ZNF723: variants seen among roughly 807,000 people sequenced by gnomAD.
ZNF723 encodes the protein zinc finger protein 723.
Under a neutral mutation model 9.4 loss-of-function variants are expected in ZNF723, and 5 were observed. That is an observed-to-expected ratio of 0.53 (90% CI 0.28 to 1.12). The LOEUF is 1.12. Among genes scored for constraint, ZNF723 ranks in the 50% most tolerant of loss-of-function variants. The pLI is 0.10. For synonymous variants in ZNF723, 158 were observed against 168.8 expected (o/e 0.94, Z 0.49); for missense variants, 450 against 501.5 (o/e 0.90, Z 0.98).
chr19:22,854,741 C>T (rs1354369535), intron 3 of ZNF723, among the ~76,000 whole-genome samples: 1 of 152,058 alleles, frequency 6.6e-6, no homozygotes, highest in Non-Finnish European at 1.5e-5. Context: ...AAGTGAACTT[C>T]AGCTGAATAC....
the ZNF723 span, among the ~76,000 whole-genome samples, chr19:22,826,540 A>T: frequency 6.6e-6 from 1 of 152,236 alleles, no homozygotes; most frequent in South Asian, 2.1e-4. Context: ...ATGCACACCC[A>T]GGCAACAGTT....
chr19:22,849,823 C>T (rs1375453494), intron 3 of ZNF723, among the ~76,000 whole-genome samples: 1 of 152,022 alleles, frequency 6.6e-6, no homozygotes, highest in Non-Finnish European at 1.5e-5. Context: ...TCAGGAGAAT[C>T]GCTTGAATTA....
the ZNF723 span, among the ~76,000 whole-genome samples, chr19:22,825,142 C>T: frequency 2.4e-4 from 37 of 152,210 alleles, no homozygotes; most frequent in East Asian, 4.4e-3. Flanking sequence ...AAGAGGCAAT[C>T]GAAAGTTAAA....
At chr19:22,836,067 C>T (rs931249005) in intron 1 of ZNF723, among the ~76,000 whole-genome samples, 2 of 150,238 alleles carry the variant, frequency 1.3e-5, no homozygotes, top group East Asian at 3.9e-4. Context: ...AAATAACTGA[C>T]ATAAAAATTG....
chr19:22,857,331 G>A lies in ZNF723; in HGVS notation c.440G>A (p.Cys147Tyr), dbSNP rs773671412. 7.2e-5 allele frequency: 59 copies of A among 821,434 alleles called. No homozygotes were observed. Among genetic ancestry groups the A allele is most frequent in the Non-Finnish European group, 1.1e-4 (52 of 459,512 alleles). 50.9% of individuals were successfully genotyped at this position (821,434 alleles called of 1,614,324 possible). Residue 147 changes from cysteine (C) to tyrosine (Y), a missense_variant, in exon 4 of 4, where the codon TGT (cysteine) becomes TAT (tyrosine). By Grantham distance (194) the Cys-to-Tyr change is radical (BLOSUM62 -2). Around this residue, in one of 5 missense-constraint regions of ZNF723, gnomAD observed 143 missense variants for 101.3 expected, o/e 1.41. Coordinates refer to ENST00000600766, the MANE Select transcript of ZNF723 (RefSeq NM_001349726.2). ...ACTACCCCGAGCAAAATATTTCAAT[G>A]TGATAAATATGTAAAAGTCTTTCAT... ...LTTTPSKIFQ[C>Y]DKYVKVFHKF... is the part of the protein sequence containing the mutation.
At chr19:22,821,567 C>T in the ZNF723 span, among the ~76,000 whole-genome samples, 1 of 152,166 alleles carries the variant, frequency 6.6e-6, no homozygotes, top group African/African-American at 2.4e-5. Context: ...TTTACTGCCA[C>T]AGCCCTGCCC....
chr19:22,838,765 G>T (rs1371255015), intron 1 of ZNF723, among the ~76,000 whole-genome samples: 1 of 150,922 alleles, frequency 6.6e-6, no homozygotes, highest in Non-Finnish European at 1.5e-5. Flanking sequence ...ATTATTTTTT[G>T]AGATGGAGTT....
chr19:22,855,057 A>T (rs975917575), intron 3 of ZNF723, among the ~76,000 whole-genome samples: 1 of 152,054 alleles, frequency 6.6e-6, no homozygotes, highest in African/African-American at 2.4e-5. Context: ...CAAAAAAAAA[A>T]ATATTCTTCC....
upstream of ZNF723, among the ~76,000 whole-genome samples, chr19:22,828,077 T>C (rs1201732149): frequency 1.3e-5 from 2 of 151,954 alleles, no homozygotes; most frequent in African/African-American, 4.8e-5. Flanking sequence ...TGAAACTCCA[T>C]CTAAAAAAAA....
At chr19:22,827,033 ATGGGCATCATT>A in the ZNF723 span, among the ~76,000 whole-genome samples, 1 of 152,248 alleles carries the variant, frequency 6.6e-6, no homozygotes, top group African/African-American at 2.4e-5. Context: ...ACTCTTCTGA[ATGGGCATCATT>A]TGTTAGATCA....
At chr19:22,845,083 C>T (rs1383331546) in intron 1 of ZNF723, among the ~76,000 whole-genome samples, 5 of 152,196 alleles carry the variant, frequency 3.3e-5, no homozygotes, top group Non-Finnish European at 1.5e-5. Flanking sequence ...CACGCCACTG[C>T]ACTCCAGCCT....
At chr19:22,833,748 A>G (rs1967127799) in intron 1 of ZNF723, among the ~76,000 whole-genome samples, 1 of 150,686 alleles carries the variant, frequency 6.6e-6, no homozygotes, top group Non-Finnish European at 1.5e-5. Context: ...TAGCTGGATT[A>G]TAGGCACGTG....
chr19:22,825,367 G>A, the ZNF723 span, among the ~76,000 whole-genome samples: 2 of 152,168 alleles, frequency 1.3e-5, no homozygotes, highest in Non-Finnish European at 2.9e-5. Context: ...CTAAAGCTGA[G>A]ACATGTGCAG....
At chr19:22,850,591 T>G (rs1439297468) in intron 3 of ZNF723, among the ~76,000 whole-genome samples, 1 of 150,124 alleles carries the variant, frequency 6.7e-6, no homozygotes, top group Non-Finnish European at 1.5e-5. Flanking sequence ...CTCCGCCTCC[T>G]GGGTTCAAGT....
At chr19:22,817,863 G>A in the ZNF723 span, among the ~76,000 whole-genome samples, 2 of 152,148 alleles carry the variant, frequency 1.3e-5, no homozygotes, top group African/African-American at 4.8e-5. Flanking sequence ...GTGGCATACA[G>A]TGTCATCACA....
chr19:22,834,011 G>A (rs1967133426), intron 1 of ZNF723, among the ~76,000 whole-genome samples: 1 of 148,436 alleles, frequency 6.7e-6, no homozygotes, highest in Non-Finnish European at 1.5e-5. Flanking sequence ...CGCCTCCCAG[G>A]CTCAAGTGAT....
the ZNF723 span, among the ~76,000 whole-genome samples, chr19:22,819,231 G>A: frequency 1.3e-5 from 2 of 152,210 alleles, no homozygotes; most frequent in Non-Finnish European, 2.9e-5. Context: ...GAGGCAATGT[G>A]ACTTATCTCT....
chr19:22,816,492 A>C, the ZNF723 span, among the ~76,000 whole-genome samples: 1 of 152,178 alleles, frequency 6.6e-6, no homozygotes, highest in African/African-American at 2.4e-5. Context: ...ATAAACTTAG[A>C]CCCAACATAC....
chr19:22,817,853 G>A, the ZNF723 span, among the ~76,000 whole-genome samples: 1 of 152,200 alleles, frequency 6.6e-6, no homozygotes, highest in South Asian at 2.1e-4. Context: ...ACGCCTTTGG[G>A]TGGCATACAG....
Sources: gnomAD v4.1 joint callset for allele counts (sites outside exome capture counted in the v4.1 genomes callset) on GRCh38, gnomAD v4.1.1 for gene constraint, gnomAD v4.1.1 regional missense constraint, MANE v1.5 for transcripts, NCBI Gene and HGNC (gene_info 2026-07-23, HGNC 2026-07-21) for gene names.